CHST8: variants seen among roughly 807,000 people sequenced by gnomAD.
CHST8 encodes GALNAC-4-ST1.
CHST8 carries 10 observed loss-of-function variants against 15.0 expected under a neutral mutation model. That is an observed-to-expected ratio of 0.67 (90% CI 0.41 to 1.13). The LOEUF is 1.13. Ranked by LOEUF, CHST8 falls within the 50% of genes most tolerant of loss-of-function variation. The probability of loss-of-function intolerance (pLI) is 0.00; values close to 1 mark genes in which losing one functional copy is unlikely to be tolerated. For synonymous variants in CHST8, 259 were observed against 256.6 expected (o/e 1.01, Z -0.09); for missense variants, 634 against 608.2 (o/e 1.04, Z -0.45).
In CHST8 at chr19:33,745,510, G is replaced by A. The variant is rs75714869; in HGVS notation, c.131-25903G>A. ...GATTCAACCCTAACATTTCATCTTA[G>A]CATCTGCTCTCTCTGCCCCACTGGC... On this transcript the variant is annotated intron_variant, in intron 3 of 4. Transcript: ENST00000650847. Among the ~76,000 whole-genome samples the A allele has an allele frequency of 8.3e-3, 1,261 of 152,310 alleles. 14 individuals carry two copies. The highest frequency in any genetic ancestry group is 0.017 in the Middle Eastern group (5 of 294).
chr19:33,678,191 C>T (rs1972835204), intron 2 of CHST8, among the ~76,000 whole-genome samples: 1 of 152,152 alleles, frequency 6.6e-6, no homozygotes, highest in Non-Finnish European at 1.5e-5. Flanking sequence ...ACTTGGAACA[C>T]AGGACGTTAG....
intron 3 of CHST8, among the ~76,000 whole-genome samples, chr19:33,736,152 G>A (rs969915712): frequency 3.9e-5 from 6 of 152,202 alleles, no homozygotes; most frequent in Admixed American, 1.3e-4. Flanking sequence ...GTCTCAGGAT[G>A]CTGTTGAACT....
chr19:33,728,616 C>G (rs894192145), intron 3 of CHST8, among the ~76,000 whole-genome samples: 1 of 152,232 alleles, frequency 6.6e-6, no homozygotes, highest in African/African-American at 2.4e-5. Context: ...CGATGAGCAT[C>G]CCTGAGACAG....
intron 1 of CHST8, among the ~76,000 whole-genome samples, chr19:33,637,197 A>G (rs1972215939): frequency 6.6e-6 from 1 of 152,132 alleles, no homozygotes; most frequent in African/African-American, 2.4e-5. Context: ...AACCTGTTTC[A>G]TCAGCAATGT....
chr19:33,697,790 T>A (rs1239822807), intron 3 of CHST8, among the ~76,000 whole-genome samples: 1 of 151,778 alleles, frequency 6.6e-6, no homozygotes, highest in Non-Finnish European at 1.5e-5. Flanking sequence ...AGGATTGGAG[T>A]CCTGAGAGAA....
At chr19:33,722,000 G>C (rs1973804924) in intron 3 of CHST8, among the ~76,000 whole-genome samples, 1 of 151,264 alleles carries the variant, frequency 6.6e-6, no homozygotes, top group African/African-American at 2.4e-5. Flanking sequence ...TGGATGGATA[G>C]ATGGAAAGAT....
chr19:33,713,915 G>A lies in CHST8; in HGVS notation c.130+24524G>A, dbSNP rs575251916. On this transcript the variant is annotated intron_variant, in intron 3 of 4. Coordinates refer to ENST00000650847, the MANE Select transcript of CHST8 (RefSeq NM_001127895.2). ...GCTGCAGAATCCCTGACAGAGCCTG[G>A]CTGAGGAGTGCAGGGCTGGGGGCAA... is the stretch of plus-strand genomic sequence containing the variant. 1.1e-4 allele frequency among the ~76,000 whole-genome samples: 17 copies of A among 152,256 alleles called. No homozygotes were observed. In the South Asian group the frequency reaches 3.3e-3, roughly 30 times the overall value.
At chr19:33,766,212 C>T (rs921508550) in intron 3 of CHST8, among the ~76,000 whole-genome samples, 1 of 152,028 alleles carries the variant, frequency 6.6e-6, no homozygotes, top group Admixed American at 6.6e-5. Context: ...TCCCCTCCTC[C>T]ACCTCTACCT....
intron 3 of CHST8, among the ~76,000 whole-genome samples, chr19:33,702,354 C>A (rs1275117693): frequency 1.3e-5 from 2 of 152,244 alleles, no homozygotes; most frequent in Non-Finnish European, 2.9e-5. Flanking sequence ...ATGATCATAG[C>A]TCTCTGCCAC....
At chr19:33,673,694 G>A (rs1457610372) in intron 2 of CHST8, among the ~76,000 whole-genome samples, 1 of 152,150 alleles carries the variant, frequency 6.6e-6, no homozygotes, top group East Asian at 1.9e-4. Context: ...TGGGAGGAGG[G>A]GCTGCAAGAA....
intron 4 of CHST8, 137 bp downstream of exon 4, chr19:33,771,587 G>A (rs1326594496): frequency 3.4e-6 from 3 of 895,050 alleles, no homozygotes; most frequent in African/African-American, 1.7e-5. Context: ...AGGAGCCTTG[G>A]GAACAAAGCC....
intron 3 of CHST8, among the ~76,000 whole-genome samples, chr19:33,721,895 AGATGGATG>A (rs201133440): frequency 7.6e-5 from 10 of 131,424 alleles, no homozygotes; most frequent in South Asian, 5.2e-4. Flanking sequence ...GTGAGTGGGT[AGATGGATG>A]GATGGATGGA....
chr19:33,772,747 G>C lies in CHST8; in HGVS notation c.959G>C (p.Arg320Pro), dbSNP rs746395808. 1.2e-6 allele frequency: 2 copies of C among 1,613,404 alleles called. No homozygotes were observed. Among genetic ancestry groups the C allele is most frequent in the Non-Finnish European group, 1.7e-6 (2 of 1,180,018 alleles). Residue 320 changes from arginine to proline, a missense_variant, in exon 5 of 5, where the codon CGG becomes CCG. Coordinates refer to ENST00000650847, the MANE Select transcript of CHST8 (RefSeq NM_001127895.2). ...GTCCAGTACCTGCTGGACGTGCACC[G>C]GCCCGTGGGGATGGACATTCACTGG... is the stretch of plus-strand genomic sequence containing the variant. ...EFVQYLLDVH[R>P]PVGMDIHWDH...
At chr19:33,755,163 C>T (rs1974522026) in intron 3 of CHST8, among the ~76,000 whole-genome samples, 1 of 152,210 alleles carries the variant, frequency 6.6e-6, no homozygotes, top group Non-Finnish European at 1.5e-5. Flanking sequence ...CTGTCTGCAA[C>T]CACAGATTTT....
At chr19:33,723,088 C>T (rs1355733266) in intron 3 of CHST8, among the ~76,000 whole-genome samples, 2 of 152,174 alleles carry the variant, frequency 1.3e-5, no homozygotes, top group Non-Finnish European at 2.9e-5. Context: ...ACTCCCTATG[C>T]GTGATCCTGT....
chr19:33,624,082 T>G (rs1972020401), intron 1 of CHST8, among the ~76,000 whole-genome samples: 1 of 152,214 alleles, frequency 6.6e-6, no homozygotes. Flanking sequence ...GCTCATTTAT[T>G]TACTTATTTA....
intron 1 of CHST8, among the ~76,000 whole-genome samples, chr19:33,661,867 C>CA (rs34236738): frequency 0.29 from 22,234 of 76,600 alleles, 2,636 homozygotes; most frequent in Admixed American, 0.41. Flanking sequence ...TTCATCTTTA[C>CA]AAAAAAAAAA....
At chr19:33,704,210 G>A (rs1404649440) in intron 3 of CHST8, among the ~76,000 whole-genome samples, 1 of 152,208 alleles carries the variant, frequency 6.6e-6, no homozygotes, top group African/African-American at 2.4e-5. Context: ...ACTACATCTG[G>A]TTGTGTCCAA....
chr19:33,701,218 T>A (rs542451471), intron 3 of CHST8, among the ~76,000 whole-genome samples: 28 of 152,218 alleles, frequency 1.8e-4, no homozygotes, highest in African/African-American at 6.7e-4. Context: ...AGCAGTGCCA[T>A]CCTGTGTCTT....
Sources: gnomAD v4.1 joint callset for allele counts (sites outside exome capture counted in the v4.1 genomes callset) on GRCh38, gnomAD v4.1.1 for gene constraint, MANE v1.5 for transcripts, NCBI Gene and HGNC (gene_info 2026-07-23, HGNC 2026-07-21) for gene names.